The following ST6GALNAC3 variants were observed in gnomAD, a reference collection of about 807,000 sequenced individuals.
ST6GALNAC3 encodes alpha-N-acetylgalactosaminide alpha-2,6-sialyltransferase 3.
ST6GALNAC3 carries 25 observed loss-of-function variants against 32.7 expected under a neutral mutation model. The observed-to-expected ratio is 0.76, with a 90% CI of 0.56 to 1.07. The LOEUF (loss-of-function observed/expected upper bound fraction) is 1.07, where lower values mean the gene tolerates loss of function less well. Ranked by LOEUF, ST6GALNAC3 falls within the 50% of genes least tolerant of loss-of-function variation. The pLI is 0.00. For synonymous variants in ST6GALNAC3, 129 were observed against 133.1 expected (o/e 0.97, Z 0.21); for missense variants, 355 against 382.4 (o/e 0.93, Z 0.60).
intron 1 of ST6GALNAC3, among the ~76,000 whole-genome samples, chr1:76,194,940 G>A (rs1654111236): frequency 6.6e-6 from 1 of 152,164 alleles, no homozygotes. Flanking sequence ...GTAACATCTT[G>A]CATTGGTCAT....
chr1:76,483,096 T>G (rs1439925735), intron 3 of ST6GALNAC3, among the ~76,000 whole-genome samples: 1 of 152,166 alleles, frequency 6.6e-6, no homozygotes, highest in African/African-American at 2.4e-5. Context: ...GGTGTATATG[T>G]GCCACATTTT....
chr1:76,305,919 C>T (rs1321876556), intron 1 of ST6GALNAC3: 1 of 517,976 alleles, frequency 1.9e-6, no homozygotes, highest in East Asian at 5.4e-5. Context: ...CCTCTAGAGC[C>T]TGTGTTCTAG....
intron 1 of ST6GALNAC3, among the ~76,000 whole-genome samples, chr1:76,089,896 G>A (rs911182108): frequency 6.6e-6 from 1 of 152,166 alleles, no homozygotes; most frequent in African/African-American, 2.4e-5. Flanking sequence ...CCTTATGTGA[G>A]TAAACTTTAT....
At chr1:76,585,543 T>C (rs1646950584) in intron 3 of ST6GALNAC3, among the ~76,000 whole-genome samples, 1 of 152,126 alleles carries the variant, frequency 6.6e-6, no homozygotes, top group Non-Finnish European at 1.5e-5. Context: ...CAAGGCATAG[T>C]TGGACACACT....
chr1:76,311,034 C>T (rs1485983862), intron 1 of ST6GALNAC3, among the ~76,000 whole-genome samples: 2 of 152,144 alleles, frequency 1.3e-5, no homozygotes, highest in Non-Finnish European at 2.9e-5. Context: ...TTCCGTCAGC[C>T]GCTTCTGTCC....
intron 3 of ST6GALNAC3, among the ~76,000 whole-genome samples, chr1:76,516,126 G>A (rs891764001): frequency 6.6e-6 from 1 of 152,164 alleles, no homozygotes; most frequent in Non-Finnish European, 1.5e-5. Flanking sequence ...GCATATGCTG[G>A]AAAGCTGCAC....
At chr1:76,113,188 A>C in intron 1 of ST6GALNAC3, among the ~76,000 whole-genome samples, 1 of 151,830 alleles carries the variant, frequency 6.6e-6, no homozygotes, top group African/African-American at 2.4e-5. Flanking sequence ...AAAATACGAA[A>C]ACCAGTCAGG....
chr1:76,232,842 C>G (rs545018879), intron 1 of ST6GALNAC3, among the ~76,000 whole-genome samples: 3 of 152,160 alleles, frequency 2.0e-5, no homozygotes, highest in Admixed American at 2.0e-4. Flanking sequence ...AGAGATAGAC[C>G]GAGATGGAGA....
At chr1:76,171,068 AAC>A (rs1290325693) in intron 1 of ST6GALNAC3, among the ~76,000 whole-genome samples, 1 of 150,994 alleles carries the variant, frequency 6.6e-6, no homozygotes, top group East Asian at 1.9e-4. Context: ...TTTTTAACTG[AAC>A]AGTTATTCAT....
chr1:76,279,709 C>T (rs556878708), intron 1 of ST6GALNAC3, among the ~76,000 whole-genome samples: 1 of 152,292 alleles, frequency 6.6e-6, no homozygotes, highest in African/African-American at 2.4e-5. Context: ...AGGAGGGCTC[C>T]TCAGGTTTTA....
chr1:76,525,809 A>ACATATATATATATATACG (rs1662869441), intron 3 of ST6GALNAC3, among the ~76,000 whole-genome samples: 1 of 131,730 alleles, frequency 7.6e-6, no homozygotes, highest in Non-Finnish European at 1.7e-5. Context: ...ATATATATAT[A>ACATATATATATATATACG]TATATATATA....
intron 3 of ST6GALNAC3, among the ~76,000 whole-genome samples, chr1:76,512,659 G>C (rs1480829177): frequency 6.6e-6 from 1 of 151,984 alleles, no homozygotes; most frequent in Non-Finnish European, 1.5e-5. Flanking sequence ...AGAACACCAG[G>C]ACTTATTCCT....
intron 1 of ST6GALNAC3, among the ~76,000 whole-genome samples, chr1:76,206,500 T>G (rs1177432097): frequency 2.0e-5 from 3 of 152,138 alleles, no homozygotes; most frequent in Admixed American, 1.3e-4. Flanking sequence ...CTGTTGGAGT[T>G]GGGCGGATCA....
At chr1:76,357,772 T>A (rs1226274993) in intron 2 of ST6GALNAC3, among the ~76,000 whole-genome samples, 4 of 152,200 alleles carry the variant, frequency 2.6e-5, no homozygotes, top group Non-Finnish European at 4.4e-5. Flanking sequence ...GAGGGAATGA[T>A]AACAAAGTGC....
Position 76,453,016 on chromosome 1 carries a change from A to C in ST6GALNAC3, c.623+40599A>C, listed in dbSNP as rs115878350. Among the ~76,000 whole-genome samples, 1,011 of 152,230 alleles carry C rather than the reference A, an allele frequency of 6.6e-3. 14 individuals carry two copies. Among genetic ancestry groups the C allele is most frequent in the African/African-American group, 0.023 (937 of 41,556 alleles). The stretch of plus-strand genomic sequence containing the variant: ...TCCTGCTTTAATCTAGAAGGCTTGT[A>C]TCTTTCCAGGAATTTATCCATCTCC... On this transcript the variant is annotated intron_variant, in intron 3 of 4. Transcript: ENST00000328299.
chr1:76,465,099 A>C (rs1017244947), intron 3 of ST6GALNAC3, among the ~76,000 whole-genome samples: 2 of 152,202 alleles, frequency 1.3e-5, no homozygotes, highest in Admixed American at 1.3e-4. Context: ...TTTGAGGGAA[A>C]AGGAGGAAGA....
In ST6GALNAC3 at chr1:76,509,800, C is replaced by T. The variant is rs1557507124; in HGVS notation, c.623+97383C>T. ...CTTCCATTCTCACATATCTTTTCCT[C>T]ACATTGCTGTTTCTCTATTTCTCTT... On this transcript the variant is annotated intron_variant, in intron 3 of 4. Transcript: ENST00000328299. This position sits in a 1 kb window ranked among gnomAD's most constrained non-coding sequence, Gnocchi z 5.5. Among the ~76,000 whole-genome samples the T allele has an allele frequency of 1.3e-5, 2 of 152,156 alleles. No individual in the cohort carries two copies. The highest frequency in any genetic ancestry group is 1.5e-5 in the Non-Finnish European group (1 of 68,026).
chr1:76,394,521 G>A (rs917527017), intron 2 of ST6GALNAC3, among the ~76,000 whole-genome samples: 1 of 151,950 alleles, frequency 6.6e-6, no homozygotes, highest in African/African-American at 2.4e-5. Flanking sequence ...GAAAAGATAT[G>A]GCCACTATAT....
intron 1 of ST6GALNAC3, among the ~76,000 whole-genome samples, chr1:76,126,823 A>G (rs1570090490): frequency 6.6e-6 from 1 of 152,212 alleles, no homozygotes; most frequent in African/African-American, 2.4e-5. Context: ...GCTTTCAGGC[A>G]TCCCCAGGTG....
Sources: gnomAD v4.1 joint callset for allele counts (sites outside exome capture counted in the v4.1 genomes callset) on GRCh38, gnomAD v4.1.1 for gene constraint, Gnocchi (gnomAD v3.1) non-coding constraint, MANE v1.5 for transcripts, NCBI Gene and HGNC (gene_info 2026-07-23, HGNC 2026-07-21) for gene names.